KANSL1: variants seen among roughly 807,000 people sequenced by gnomAD.
The protein encoded by KANSL1 is MLL1/MLL complex subunit KANSL1.
Under a neutral mutation model 103.6 loss-of-function variants are expected in KANSL1, and 22 were observed. The observed-to-expected ratio is 0.21, with a 90% CI of 0.15 to 0.30. KANSL1 has a LOEUF of 0.30. Ranked by LOEUF, KANSL1 falls within the 10% of genes least tolerant of loss-of-function variation. The pLI, the probability that KANSL1 is intolerant of heterozygous loss-of-function variation, is 1.00. For synonymous variants in KANSL1, 600 were observed against 527.6 expected, an observed-to-expected ratio of 1.14 and a Z score of -1.88; for missense variants, 1,337 against 1,399.8, an observed-to-expected ratio of 0.96 and a Z score of 0.72.
rs57566816 is a variant in KANSL1 at position 46,189,031 on chromosome 17, C to CAAAAAAAAAAAAAAAAAAAAAAAA, written c.-90+3768_-90+3791dup. Among the ~76,000 whole-genome samples the CAAAAAAAAAAAAAAAAAAAAAAAA allele has an allele frequency of 1.1e-4, 7 of 62,382 alleles. 2 individuals are homozygous for CAAAAAAAAAAAAAAAAAAAAAAAA. Among genetic ancestry groups the CAAAAAAAAAAAAAAAAAAAAAAAA allele is most frequent in the African/African-American group, 3.0e-4 (3 of 10,120 alleles). 40.9% of individuals were successfully genotyped at this position (62,382 alleles called of 152,430 possible). A position where few individuals can be genotyped will look rare whatever the true frequency, so the allele number is the denominator to read the frequency against. ...CTGGGCAACAGAGCAAAGATTGTCT[C>CAAAAAAAAAAAAAAAAAAAAAAAA]AAAAAAAAAAAAAAAAAAAAAAAAA... is the stretch of plus-strand genomic sequence containing the variant. On this transcript the variant is annotated intron_variant, in intron 1 of 14. Transcript: ENST00000432791.
At chr17:46,048,366 G>A (rs2077588901) in intron 7 of KANSL1, among the ~76,000 whole-genome samples, 2 of 151,876 alleles carry the variant, frequency 1.3e-5, no homozygotes, top group South Asian at 4.2e-4. Context: ...TCAGGAGTTG[G>A]AGACCAGCCT....
chr17:46,200,720 C>G (rs908964674), intron 1 of KANSL1, among the ~76,000 whole-genome samples: 1 of 151,814 alleles, frequency 6.6e-6, no homozygotes, highest in Non-Finnish European at 1.5e-5. Context: ...CCAGCCTGGG[C>G]GACAGAGCGA....
intron 2 of KANSL1, among the ~76,000 whole-genome samples, chr17:46,101,143 A>G (rs2042296385): frequency 6.6e-6 from 1 of 152,234 alleles, no homozygotes; most frequent in African/African-American, 2.4e-5. Context: ...CAGAGCGTAC[A>G]ATTGCCAGAT....
chr17:46,163,399 G>A (rs1215553364), intron 2 of KANSL1, among the ~76,000 whole-genome samples: 1 of 152,160 alleles, frequency 6.6e-6, no homozygotes, highest in African/African-American at 2.4e-5. Context: ...GTCTCACTTT[G>A]TCGCCCATGC....
intron 4 of KANSL1, among the ~76,000 whole-genome samples, chr17:46,080,951 A>G (rs529452771): frequency 6.6e-6 from 1 of 152,338 alleles, no homozygotes; most frequent in East Asian, 1.9e-4. Flanking sequence ...TTGACCTTCA[A>G]GAATCTTACA....
At chr17:46,152,835 T>C (rs989434583) in intron 2 of KANSL1, 1 of 152,268 alleles carries the variant, frequency 6.6e-6, no homozygotes, top group African/African-American at 2.4e-5. Context: ...TAAGTATTTG[T>C]AAAATAAATA....
At chr17:46,138,028 G>A (rs72628327) in intron 2 of KANSL1, among the ~76,000 whole-genome samples, 5,033 of 152,156 alleles carry the variant, frequency 0.033, 148 homozygotes, top group East Asian at 0.15. Context: ...GCTTAGGCTA[G>A]TGAAGTGATC....
intron 2 of KANSL1, among the ~76,000 whole-genome samples, chr17:46,147,572 TAAAAAAAAAAA>T (rs10717937): frequency 0.021 from 2,207 of 103,132 alleles, 84 homozygotes; most frequent in African/African-American, 0.082. Flanking sequence ...TGAGACTCTT[TAAAAAAAAAAA>T]AAAAAAAAAA....
rs1327327198 is a variant in KANSL1, at chr17:46,030,131, T to C, written c.*1345A>G. On this transcript the variant is annotated 3_prime_UTR_variant, in exon 15 of 15. Transcript: ENST00000432791. ...TTTACAAAATACAAGGTTTTTTTTT[T>C]CCATTTTTTGTTTTTGTTTTTTTTT... 6.7e-6 allele frequency: 1 copy of C among 149,574 alleles called. No homozygotes were observed. The highest frequency in any genetic ancestry group is 1.5e-5 in the Non-Finnish European group (1 of 66,388). 9.3% of individuals were successfully genotyped at this position (149,574 alleles called of 1,614,324 possible).
At chr17:46,180,441 T>C (rs1400304057) in intron 1 of KANSL1, among the ~76,000 whole-genome samples, 3 of 152,124 alleles carry the variant, frequency 2.0e-5, no homozygotes, top group Non-Finnish European at 2.9e-5. Context: ...GAGGTTGCAG[T>C]GAGCCGAGAT....
intron 2 of KANSL1, among the ~76,000 whole-genome samples, chr17:46,146,748 G>T (rs2044724294): frequency 8.4e-6 from 1 of 118,966 alleles, no homozygotes; most frequent in Non-Finnish European, 2.2e-5. Context: ...CAGGAGAATG[G>T]CGTGAACCCG....
At chr17:46,119,488 G>C (rs1424323747) in intron 2 of KANSL1, among the ~76,000 whole-genome samples, 2 of 152,016 alleles carry the variant, frequency 1.3e-5, no homozygotes, top group Non-Finnish European at 2.9e-5. Flanking sequence ...TGTATTTTTA[G>C]TAAAGACGAG....
intron 1 of KANSL1, among the ~76,000 whole-genome samples, chr17:46,175,310 CTGTGTGTGTGTGTGTGTGTGTGTG>C (rs71138529): frequency 1.5e-4 from 20 of 137,572 alleles, no homozygotes; most frequent in Middle Eastern, 3.7e-3. Flanking sequence ...TGTCTTATTG[CTGTGTGTGTGTGTGTGTGTGTGTG>C]TGTGTGTGTG....
At chr17:46,105,795 T>TG (rs1210969593) in intron 2 of KANSL1, among the ~76,000 whole-genome samples, 1 of 151,690 alleles carries the variant, frequency 6.6e-6, no homozygotes, top group African/African-American at 2.4e-5. Context: ...CGCTTGAGCC[T>TG]GGGAGGTCAA....
At chr17:46,085,842 C>T (rs561718867) in intron 3 of KANSL1, among the ~76,000 whole-genome samples, 38 of 152,166 alleles carry the variant, frequency 2.5e-4, no homozygotes, top group African/African-American at 8.9e-4. Context: ...TGCCAAGGCT[C>T]GTCTCAAACT....
chr17:46,088,460 T>A (rs1159195014), intron 3 of KANSL1: 1 of 152,242 alleles, frequency 6.6e-6, no homozygotes, highest in Non-Finnish European at 1.5e-5. Context: ...GAGAAAGGTG[T>A]TATAAGCTTC....
Position 46,031,718 on chromosome 17 carries a change from G to C in KANSL1, c.3091-15C>G. On this transcript the variant is annotated splice_polypyrimidine_tract_variant and intron_variant, in intron 14 of 14. Coordinates refer to ENST00000432791, the MANE Select transcript of KANSL1 (RefSeq NM_015443.4). ...GGCTGGACAGACTGTAGGCAGACAAGTTGCTCTTTGAGGACCCAGTCCCAG... is the reference window on the plus strand; with the variant it reads ...GGCTGGACAGACTGTAGGCAGACAACTTGCTCTTTGAGGACCCAGTCCCAG... The C allele has an allele frequency of 6.3e-7, 1 of 1,582,004 alleles. No homozygotes were observed. Among genetic ancestry groups the C allele is most frequent in the African/African-American group, 1.3e-5 (1 of 74,514 alleles).
chr17:46,168,200 G>A (rs888876694), intron 2 of KANSL1, among the ~76,000 whole-genome samples: 2 of 152,198 alleles, frequency 1.3e-5, no homozygotes, highest in Non-Finnish European at 2.9e-5. Flanking sequence ...CATTCTCATT[G>A]TCTGGTCAAC....
At chr17:46,117,413 GTCTTTGTTTTAT>G (rs1567694543) in intron 2 of KANSL1, among the ~76,000 whole-genome samples, 2 of 152,212 alleles carry the variant, frequency 1.3e-5, no homozygotes, top group Non-Finnish European at 2.9e-5. Context: ...GTAGGAATTC[GTCTTTGTTTTAT>G]TCACTGATGT....
Sources: gnomAD v4.1 joint callset for allele counts (sites outside exome capture counted in the v4.1 genomes callset) on GRCh38, gnomAD v4.1.1 for gene constraint, MANE v1.5 for transcripts, NCBI Gene and HGNC (gene_info 2026-07-23, HGNC 2026-07-21) for gene names.